EPB41: variants seen among roughly 807,000 people sequenced by gnomAD.
EPB41 encodes the protein erythrocyte membrane protein band 4.1.
A neutral mutation model predicts 108.0 loss-of-function variants in EPB41; 65 were observed. The observed-to-expected ratio is 0.60, with a 90% confidence interval of 0.49 to 0.74. The LOEUF is 0.74. Among genes scored for constraint, EPB41 ranks in the 30% least tolerant of loss-of-function variants. The pLI, the probability that EPB41 is intolerant of heterozygous loss-of-function variation, is 0.00. For missense variants in EPB41, 875 were observed against 1,037.0 expected (o/e 0.84, Z 2.15); for synonymous variants, 336 against 358.9 (o/e 0.94, Z 0.72).
chr1:29,003,781 T>C (rs1218264962), intron 4 of EPB41, among the ~76,000 whole-genome samples: 3 of 152,182 alleles, frequency 2.0e-5, no homozygotes, highest in Non-Finnish European at 4.4e-5. Context: ...GGAAAAGCGG[T>C]AAGAAGCAAA....
intron 16 of EPB41, among the ~76,000 whole-genome samples, chr1:29,074,975 G>A (rs1411667916): frequency 6.6e-6 from 1 of 152,104 alleles, no homozygotes; most frequent in Non-Finnish European, 1.5e-5. Context: ...TGGCTAACAT[G>A]GTGAAACTCC....
chr1:29,057,897 C>A (rs763981871), intron 12 of EPB41, among the ~76,000 whole-genome samples: 4 of 152,200 alleles, frequency 2.6e-5, no homozygotes, highest in Non-Finnish European at 5.9e-5. Context: ...GAGGAGATTG[C>A]AGTGTGTTGA....
In EPB41 at chr1:29,077,124, G is replaced by A. The variant is rs141536697; in HGVS notation, c.2184+11966G>A. Among the ~76,000 whole-genome samples the A allele has an allele frequency of 2.0e-5, 3 of 152,188 alleles. No individual in the cohort carries two copies. The East Asian group carries it at 5.8e-4, about 29-fold the overall frequency. ...ATCACCTTATGCCCAATCATTATAT[G>A]CAGGTAATCCAGAAAGCCTGTATCC... On this transcript the variant is annotated intron_variant, in intron 16 of 20. Transcript: ENST00000343067.
chr1:29,093,052 C>T (rs912385664), intron 16 of EPB41, among the ~76,000 whole-genome samples: 1 of 152,048 alleles, frequency 6.6e-6, no homozygotes, highest in Non-Finnish European at 1.5e-5. Context: ...GATTTATATT[C>T]CTTTGGGTAT....
At chr1:29,100,814 C>T (rs1368661229) in intron 17 of EPB41, among the ~76,000 whole-genome samples, 1 of 148,320 alleles carries the variant, frequency 6.7e-6, no homozygotes, top group Non-Finnish European at 1.5e-5. Flanking sequence ...GCTGTAGTTG[C>T]AGCTATTCAG....
chr1:29,055,338 C>T (rs922502182), intron 12 of EPB41, among the ~76,000 whole-genome samples: 2 of 152,144 alleles, frequency 1.3e-5, no homozygotes, highest in African/African-American at 4.8e-5. Context: ...GGGAATCTTC[C>T]TAGTGGCTAA....
chr1:29,010,151 A>G (rs1269531703), intron 4 of EPB41, among the ~76,000 whole-genome samples: 3 of 152,168 alleles, frequency 2.0e-5, no homozygotes, highest in Non-Finnish European at 4.4e-5. Context: ...AGCCTGGCCA[A>G]CATGGTGAAA....
chr1:29,060,061 T>C (rs893378148), intron 14 of EPB41, among the ~76,000 whole-genome samples: 1 of 152,204 alleles, frequency 6.6e-6, no homozygotes. Context: ...ATTTCTTCAC[T>C]CCATGATACA....
At chr1:29,022,681 A>G (rs539204064) in intron 7 of EPB41, among the ~76,000 whole-genome samples, 1 of 152,120 alleles carries the variant, frequency 6.6e-6, no homozygotes, top group Admixed American at 6.5e-5. Flanking sequence ...AGATCGTGCC[A>G]TTGCACTACA....
At chr1:28,958,834 A>AG (rs2095072069) in intron 1 of EPB41, among the ~76,000 whole-genome samples, 1 of 151,762 alleles carries the variant, frequency 6.6e-6, no homozygotes, top group African/African-American at 2.4e-5. Context: ...AAAAAAAAAA[A>AG]AAAAAAGAAA....
intron 1 of EPB41, chr1:28,902,102 G>GACTATT: frequency 1.1e-6 from 1 of 894,240 alleles, no homozygotes; most frequent in Non-Finnish European, 1.3e-6. Context: ...ACTATATGAA[G>GACTATT]CCTGTTCTCT....
At chr1:28,916,814 A>G (rs1456395604) in intron 1 of EPB41, among the ~76,000 whole-genome samples, 1 of 151,414 alleles carries the variant, frequency 6.6e-6, no homozygotes, top group Non-Finnish European at 1.5e-5. Flanking sequence ...TTTTTTAAAC[A>G]GGGTCTCATT....
At chr1:28,907,816 T>C (rs955732125) in intron 1 of EPB41, among the ~76,000 whole-genome samples, 8 of 143,030 alleles carry the variant, frequency 5.6e-5, no homozygotes, top group African/African-American at 2.2e-4. Flanking sequence ...TAGTGCCAGA[T>C]TGGCTGATTT....
rs184528680 is a variant in EPB41, at chr1:29,106,911, C to T, written c.2314-2425C>T. ...ATAAATGAGAAAACTAGACTGGGTG[C>T]AATGGCTCACGCCTGTAATCCCAGC... On this transcript the variant is annotated intron_variant, in intron 17 of 20. Coordinates refer to ENST00000343067, the MANE Select transcript of EPB41 (RefSeq NM_001376013.1). Among the ~76,000 whole-genome samples, 650 of 148,326 alleles carry T rather than the reference C, an allele frequency of 4.4e-3. 3 individuals are homozygous for T. The highest frequency in any genetic ancestry group is 6.8e-3 in the Middle Eastern group (2 of 292).
chr1:28,992,638 G>A (rs557429002), intron 2 of EPB41, among the ~76,000 whole-genome samples: 4 of 152,274 alleles, frequency 2.6e-5, no homozygotes, highest in Non-Finnish European at 5.9e-5. Flanking sequence ...GGAGTAAGCC[G>A]AGATCGCGCC....
chr1:28,902,138 A>G, intron 1 of EPB41: 9 of 974,162 alleles, frequency 9.2e-6, no homozygotes, highest in Middle Eastern at 5.3e-4. Context: ...TTTTGAGCAC[A>G]CAGTAGAATC....
intron 1 of EPB41, among the ~76,000 whole-genome samples, chr1:28,891,213 G>A (rs1417276904): frequency 6.6e-6 from 1 of 152,224 alleles, no homozygotes; most frequent in African/African-American, 2.4e-5. Flanking sequence ...GACACTCCTT[G>A]ACCCCTGGGT....
At chr1:28,918,195 G>T (rs1345171685) in intron 1 of EPB41, among the ~76,000 whole-genome samples, 3 of 152,028 alleles carry the variant, frequency 2.0e-5, no homozygotes, top group Admixed American at 6.6e-5. Flanking sequence ...GGGACTACAG[G>T]CACACACCAC....
chr1:29,055,676 A>T (rs754599603), intron 12 of EPB41, among the ~76,000 whole-genome samples: 1 of 127,136 alleles, frequency 7.9e-6, no homozygotes, highest in Non-Finnish European at 1.6e-5. Context: ...GGCGGCAGGC[A>T]CGGTGGCTCA....
Sources: gnomAD v4.1 joint callset for allele counts (sites outside exome capture counted in the v4.1 genomes callset) on GRCh38, gnomAD v4.1.1 for gene constraint, MANE v1.5 for transcripts, NCBI Gene and HGNC (gene_info 2026-07-23, HGNC 2026-07-21) for gene names.